Variants in NT5E observed in about 807,000 individuals in gnomAD.
The protein encoded by NT5E is 5'-nucleotidase.
In NT5E, 53 loss-of-function variants were observed where a neutral mutation model predicts 55.1. The ratio of observed to expected loss-of-function variants is 0.96; its 90% CI spans 0.77 to 1.21. The LOEUF (loss-of-function observed/expected upper bound fraction) is 1.21. Among genes scored for constraint, NT5E ranks in the 50% most tolerant of loss-of-function variants. The pLI, the probability that NT5E is intolerant of heterozygous loss-of-function variation, is 0.00. For missense variants in NT5E, 683 were observed against 724.3 expected, an observed-to-expected ratio of 0.94 and a Z score of 0.65; for synonymous variants, 270 against 278.4, an observed-to-expected ratio of 0.97 and a Z score of 0.30.
At chr6:85,465,206 T>A (rs560465086) in intron 1 of NT5E, among the ~76,000 whole-genome samples, 1 of 152,086 alleles carries the variant, frequency 6.6e-6, no homozygotes, top group Non-Finnish European at 1.5e-5. Context: ...AGGCTCAAGT[T>A]AGGATGGGGA....
Position 85,471,427 on chromosome 6 carries a change from T to C in NT5E, c.751+2T>C, listed in dbSNP as rs1312246539. 3.1e-6 allele frequency: 5 copies of C among 1,611,708 alleles called. No individual in the cohort carries two copies. Among genetic ancestry groups the C allele is most frequent in the Non-Finnish European group, 4.2e-6 (5 of 1,178,470 alleles). On this transcript the variant is annotated splice_donor_variant, in intron 3 of 8. Transcript: ENST00000257770. LOFTEE classifies it high-confidence loss of function. The stretch of plus-strand genomic sequence containing the variant: ...ACTCCAACACATTTCTTTACACAGG[T>C]AATTGTTTCAAAAGGATTGCATGGG...
intron 3 of NT5E, among the ~76,000 whole-genome samples, chr6:85,482,802 G>A (rs1032863541): frequency 6.6e-5 from 10 of 152,222 alleles, no homozygotes; most frequent in African/African-American, 2.4e-4. Context: ...GGCATGGAAT[G>A]GTGTGGAAAA....
chr6:85,466,760 G>T (rs139107556), intron 1 of NT5E, among the ~76,000 whole-genome samples: 45 of 152,278 alleles, frequency 3.0e-4, no homozygotes, highest in Admixed American at 9.1e-4. Context: ...TTGGGCAGAG[G>T]CTGGTAAATG....
intron 3 of NT5E, among the ~76,000 whole-genome samples, chr6:85,479,573 A>G (rs995812205): frequency 6.6e-6 from 1 of 152,232 alleles, no homozygotes. Flanking sequence ...ACAGCCTTTC[A>G]CACAGCAGTA....
In NT5E at chr6:85,492,907, A is replaced by G. The variant is rs1206444686; in HGVS notation, c.1561+730A>G. On this transcript the variant is annotated intron_variant, in intron 8 of 8. Coordinates refer to ENST00000257770, the MANE Select transcript of NT5E (RefSeq NM_002526.4). ...CCTGTCATTTTAGCTACTTATTCCA[A>G]GGAGCGTGGAGGGCAGGACCAGACC... Among the ~76,000 whole-genome samples, 3 of 152,168 alleles carry G rather than the reference A, an allele frequency of 2.0e-5. No homozygotes were observed. The East Asian group carries it at 5.8e-4, about 29-fold the overall frequency.
At chr6:85,482,666 A>T (rs1769572747) in intron 3 of NT5E, among the ~76,000 whole-genome samples, 1 of 152,252 alleles carries the variant, frequency 6.6e-6, no homozygotes, top group African/African-American at 2.4e-5. Context: ...ATTCTCGGCT[A>T]GATGACTGGA....
chr6:85,467,336 A>G, intron 2 of NT5E, 54 bp downstream of exon 2: 1 of 1,420,198 alleles, frequency 7.0e-7, no homozygotes, highest in Non-Finnish European at 9.9e-7. Flanking sequence ...CCTAAATCAC[A>G]GCTTGGCATT....
intron 3 of NT5E, among the ~76,000 whole-genome samples, chr6:85,477,762 T>C (rs1769464729): frequency 6.6e-6 from 1 of 152,214 alleles, no homozygotes; most frequent in South Asian, 2.1e-4. Flanking sequence ...ACCATTTCCT[T>C]TGGGCATTTG....
chr6:85,457,473 T>C (rs1206544128), intron 1 of NT5E, among the ~76,000 whole-genome samples: 2 of 152,214 alleles, frequency 1.3e-5, no homozygotes, highest in Non-Finnish European at 2.9e-5. Context: ...GGTTTGTCTC[T>C]GGACAAGTCT....
At chr6:85,471,451 G>C (rs1769305996) in intron 3 of NT5E, 26 bp downstream of exon 3, 1 of 1,603,178 alleles carries the variant, frequency 6.2e-7, no homozygotes, top group Admixed American at 1.7e-5. Context: ...GGATTGCATG[G>C]GCCAGGATGT....
At chr6:85,489,698 G>A in intron 6 of NT5E, 99 bp downstream of exon 6, 1 of 823,596 alleles carries the variant, frequency 1.2e-6, no homozygotes, top group Non-Finnish European at 2.1e-6. Flanking sequence ...TGCAGCCTCA[G>A]TTCATCTCTG....
At position 85,450,180 on chromosome 6, in the gene NT5E, T is replaced by G. The variant is rs1768823988; in HGVS notation, c.41T>G (p.Leu14Arg). 6.4e-7 allele frequency: 1 copy of G among 1,567,622 alleles called. No individual in the cohort carries two copies. The highest frequency in any genetic ancestry group is 1.4e-5 in the African/African-American group (1 of 72,896). The change falls in exon 1 of 9, where the codon CTC becomes CGC. Residue 14 changes from leucine (L) to arginine (R), a missense_variant. Physicochemically the swap from Leu to Arg is moderately radical, Grantham distance 102. Transcript: ENST00000257770. The surrounding 1 kb of genome is among the most constrained non-coding windows in gnomAD (Gnocchi z 4.0). The part of the protein sequence containing the change: ...RAARAPATLL[L>R]ALGAVLWPAA... The stretch of plus-strand genomic sequence containing the variant: ...GCGCGGGCGCCCGCGACGCTACTCC[T>G]CGCCCTGGGCGCGGTGCTGTGGCCT...
At chr6:85,486,489 G>GC (rs879286374) in intron 4 of NT5E, among the ~76,000 whole-genome samples, 72 of 151,580 alleles carry the variant, frequency 4.7e-4, no homozygotes, top group African/African-American at 7.0e-4. Flanking sequence ...ATATGGACAG[G>GC]CCCCCCCCAT....
intron 2 of NT5E, 38 bp downstream of exon 2, chr6:85,467,320 A>G: frequency 6.5e-7 from 1 of 1,528,164 alleles, no homozygotes; most frequent in Non-Finnish European, 9.1e-7. Context: ...GCTTGAAAAT[A>G]GATGCCCTAA....
chr6:85,471,467 T>A (rs1411799463), intron 3 of NT5E, 42 bp downstream of exon 3: 1 of 1,566,782 alleles, frequency 6.4e-7, no homozygotes, highest in Admixed American at 1.7e-5. Flanking sequence ...GATGTCCAGA[T>A]AAGCACTGTG....
At chr6:85,485,928 C>T (rs1228114155) in intron 4 of NT5E, among the ~76,000 whole-genome samples, 1 of 152,206 alleles carries the variant, frequency 6.6e-6, no homozygotes, top group Non-Finnish European at 1.5e-5. Context: ...ATGGGGCTCT[C>T]TCTTTGTTCC....
rs1053561554 is a variant in NT5E at position 85,477,285 on chromosome 6, G to A, written c.751+5860G>A. On this transcript the variant is annotated intron_variant, in intron 3 of 8. Transcript: ENST00000257770. ...AGGTGTCTGGTATTGTTAAATGAAC[G>A]TTAACAAGTGCAACTTCTTTAAAAA... Among the ~76,000 whole-genome samples, 10 of 152,072 alleles carry A rather than the reference G, an allele frequency of 6.6e-5. 1 individual carries two copies. Among genetic ancestry groups the A allele is most frequent in the East Asian group, 3.9e-4 (2 of 5,180 alleles).
chr6:85,450,190 C>A lies in NT5E; in HGVS notation c.51C>A (p.Gly17=). ...CCGCGACGCTACTCCTCGCCCTGGG[C>A]GCGGTGCTGTGGCCTGCGGCTGGCG... The part of the protein sequence containing the change: ...RAPATLLLAL[G]AVLWPAAGAW... The change falls in exon 1 of 9, where the codon GGC becomes GGA. Residue 17 remains glycine (G), a synonymous_variant. Coordinates refer to ENST00000257770, the MANE Select transcript of NT5E (RefSeq NM_002526.4). The surrounding 1 kb of genome is among the most constrained non-coding windows in gnomAD (Gnocchi z 4.0). 6.2e-7 allele frequency: 1 copy of A among 1,608,214 alleles called. No homozygotes were observed. The highest frequency in any genetic ancestry group is 1.1e-5 in the South Asian group (1 of 90,166).
At chr6:85,485,543 T>A in intron 4 of NT5E, 111 bp downstream of exon 4, 1 of 1,090,788 alleles carries the variant, frequency 9.2e-7, no homozygotes, top group Non-Finnish European at 1.4e-6. Context: ...ATAATACTGT[T>A]GAAGAATTTA....
Sources: gnomAD v4.1 joint callset for allele counts (sites outside exome capture counted in the v4.1 genomes callset) on GRCh38, gnomAD v4.1.1 for gene constraint, Gnocchi (gnomAD v3.1) non-coding constraint, MANE v1.5 for transcripts, NCBI Gene and HGNC (gene_info 2026-07-23, HGNC 2026-07-21) for gene names.